Variants in LYRM4 observed in about 807,000 individuals in gnomAD.
The protein encoded by LYRM4 is LYR motif containing 4.
In LYRM4, 9 loss-of-function variants were observed where a neutral mutation model predicts 11.7. That is an observed-to-expected ratio of 0.77 (90% CI 0.46 to 1.34). The LOEUF (loss-of-function observed/expected upper bound fraction) is 1.34, where lower values mean the gene tolerates loss of function less well. Among genes scored for constraint, LYRM4 ranks in the 40% most tolerant of loss-of-function variants. The probability of loss-of-function intolerance (pLI) is 0.00; values close to 1 mark genes in which losing one functional copy is unlikely to be tolerated. For synonymous variants in LYRM4, 42 were observed against 40.4 expected (o/e 1.04, Z -0.15); for missense variants, 133 against 112.5 (o/e 1.18, Z -0.82).
intron 1 of LYRM4, among the ~76,000 whole-genome samples, chr6:5,231,692 T>C (rs769440014): frequency 2.0e-5 from 3 of 152,216 alleles, no homozygotes; most frequent in African/African-American, 4.8e-5. Flanking sequence ...TAGCCTCTTT[T>C]ATCTGCTGGG....
At chr6:5,212,735 C>G (rs750558435) in intron 2 of LYRM4, among the ~76,000 whole-genome samples, 101 of 152,132 alleles carry the variant, frequency 6.6e-4, no homozygotes, top group Non-Finnish European at 1.1e-3. Context: ...TGACATGAGG[C>G]ATGAAGTGGG....
chr6:5,202,410 C>G (rs998080048), intron 2 of LYRM4, among the ~76,000 whole-genome samples: 2 of 152,178 alleles, frequency 1.3e-5, no homozygotes, highest in African/African-American at 4.8e-5. Flanking sequence ...GATGTTCCAA[C>G]TTCCAGGGGC....
At chr6:5,171,274 G>A (rs544821027) in intron 2 of LYRM4, among the ~76,000 whole-genome samples, 2 of 152,106 alleles carry the variant, frequency 1.3e-5, no homozygotes, top group African/African-American at 2.4e-5. Context: ...ATCCATCTAC[G>A]TTACATCCCT....
intron 2 of LYRM4, chr6:5,132,633 A>G (rs1764008803): frequency 6.6e-6 from 1 of 152,212 alleles, no homozygotes; most frequent in Non-Finnish European, 1.5e-5. Flanking sequence ...GTTTTCAGAA[A>G]TGTGAGTTCA....
intron 1 of LYRM4, among the ~76,000 whole-genome samples, chr6:5,252,349 C>T (rs1764473689): frequency 6.6e-6 from 1 of 152,188 alleles, no homozygotes; most frequent in Non-Finnish European, 1.5e-5. Flanking sequence ...GTTGCTTCTC[C>T]TCTCTATGCC....
chr6:5,035,402 A>G, the LYRM4 span, among the ~76,000 whole-genome samples: 1 of 151,354 alleles, frequency 6.6e-6, no homozygotes, highest in African/African-American at 2.4e-5. Flanking sequence ...AGGGCAGCTG[A>G]AAATCTTTTC....
the LYRM4 span, among the ~76,000 whole-genome samples, chr6:5,077,228 G>A: frequency 2.0e-5 from 3 of 152,222 alleles, no homozygotes; most frequent in South Asian, 4.1e-4. Context: ...TAAGGATTAC[G>A]GAAGACATGG....
intron 2 of LYRM4, among the ~76,000 whole-genome samples, chr6:5,118,725 T>C (rs989978972): frequency 7.2e-5 from 11 of 152,194 alleles, no homozygotes; most frequent in African/African-American, 2.7e-4. Flanking sequence ...AAAAGCACAC[T>C]GAAATAGGGA....
chr6:5,073,484 A>ATCTATATATATC, the LYRM4 span, among the ~76,000 whole-genome samples: 2 of 148,438 alleles, frequency 1.3e-5, no homozygotes, highest in African/African-American at 4.9e-5. Flanking sequence ...TATTTTATAT[A>ATCTATATATATC]TCTATATATA....
intron 1 of LYRM4, among the ~76,000 whole-genome samples, chr6:5,245,109 AAAAAATATATATATATATATATATATAT>A (rs1764103975): frequency 3.0e-4 from 12 of 40,126 alleles, no homozygotes; most frequent in South Asian, 8.7e-4. Context: ...AAAAAAAAAA[AAAAAATATATATATATATATATATATAT>A]ATATATATAT....
At chr6:5,210,219 C>T (rs186717531) in intron 2 of LYRM4, among the ~76,000 whole-genome samples, 111 of 152,242 alleles carry the variant, frequency 7.3e-4, no homozygotes, top group African/African-American at 2.5e-3. Context: ...GTAATTCAGT[C>T]TAACATGTAT....
the LYRM4 span, among the ~76,000 whole-genome samples, chr6:5,055,267 C>G: frequency 4.6e-5 from 7 of 152,142 alleles, no homozygotes; most frequent in Non-Finnish European, 1.0e-4. This position sits in a 1 kb window ranked among gnomAD's most constrained non-coding sequence, Gnocchi z 4.5. Context: ...GGTATAAAAC[C>G]AAGCTGTAAC....
intron 2 of LYRM4, among the ~76,000 whole-genome samples, chr6:5,154,419 G>A (rs1426191169): frequency 1.4e-5 from 2 of 145,954 alleles, no homozygotes; most frequent in African/African-American, 5.0e-5. Flanking sequence ...AGGTTGCAAA[G>A]GGCATCACGT....
intron 1 of LYRM4, among the ~76,000 whole-genome samples, chr6:5,230,126 G>A (rs1222072037): frequency 6.6e-6 from 1 of 152,170 alleles, no homozygotes; most frequent in African/African-American, 2.4e-5. Flanking sequence ...CTCCTTTTTT[G>A]TTGGGTTTTA....
chr6:5,140,804 G>A (rs1340187903), intron 2 of LYRM4, among the ~76,000 whole-genome samples: 1 of 152,192 alleles, frequency 6.6e-6, no homozygotes, highest in Non-Finnish European at 1.5e-5. Flanking sequence ...AAATAAAAGA[G>A]GTAACACGAA....
downstream of LYRM4, chr6:5,104,433 C>A (rs1406303983): frequency 6.6e-6 from 1 of 152,104 alleles, no homozygotes; most frequent in Non-Finnish European, 1.5e-5. Context: ...TGCCACCACA[C>A]CCAGCTAATT....
intron 1 of LYRM4, among the ~76,000 whole-genome samples, chr6:5,220,650 C>T (rs1198473517): frequency 1.3e-5 from 2 of 152,156 alleles, no homozygotes; most frequent in African/African-American, 2.4e-5. Context: ...TGGTGTATTC[C>T]GGGAGCCTGC....
At chr6:5,075,188 C>T in the LYRM4 span, among the ~76,000 whole-genome samples, 1 of 152,192 alleles carries the variant, frequency 6.6e-6, no homozygotes, top group East Asian at 1.9e-4. Context: ...CCAGTTCAAC[C>T]TCTTTTCTTT....
chr6:5,117,010 C>T (rs908199834), intron 2 of LYRM4, among the ~76,000 whole-genome samples: 15 of 152,176 alleles, frequency 9.9e-5, no homozygotes, highest in African/African-American at 3.1e-4. Context: ...GGAACGGATG[C>T]AGCCCTGGGC....
Sources: allele counts gnomAD v4.1 joint callset (sites outside exome capture counted in the v4.1 genomes callset), GRCh38; gene constraint gnomAD v4.1.1; non-coding constraint Gnocchi (gnomAD v3.1); transcripts MANE v1.5; gene names NCBI Gene and HGNC (gene_info 2026-07-23, HGNC 2026-07-21).